The following ARAP1 variants were observed in gnomAD, a reference collection of about 807,000 sequenced individuals.
ARAP1 encodes the protein arf-GAP with Rho-GAP domain, ANK repeat and PH domain-containing protein 1.
Under a neutral mutation model 172.2 loss-of-function variants are expected in ARAP1, and 76 were observed. The observed-to-expected ratio is 0.44, with a 90% CI of 0.37 to 0.53. The LOEUF is 0.53. Ranked by LOEUF, ARAP1 falls within the 20% of genes least tolerant of loss-of-function variation. ARAP1 has a pLI of 0.00. For missense variants in ARAP1, 1,686 were observed against 1,977.5 expected (o/e 0.85, Z 2.80); for synonymous variants, 804 against 803.3 (o/e 1.00, Z -0.01).
At position 72,713,260 on chromosome 11, in the gene ARAP1, T is replaced by C. The variant is rs1565222314; in HGVS notation, c.680-17A>G. 1.9e-6 allele frequency: 3 copies of C among 1,613,414 alleles called. No individual in the cohort carries two copies. Among genetic ancestry groups the C allele is most frequent in the Non-Finnish European group, 2.5e-6 (3 of 1,179,630 alleles). On this transcript the variant is annotated splice_polypyrimidine_tract_variant and intron_variant, in intron 4 of 34. Transcript: ENST00000393609. ...CAGAGTCATCTGGTGAGAGAGGGGT[T>C]GGGGGGCCTCAGGGCAAGGGGCCTG...
intron 27 of ARAP1, among the ~76,000 whole-genome samples, chr11:72,694,443 G>A (rs905270805): frequency 1.3e-5 from 2 of 151,824 alleles, no homozygotes; most frequent in Non-Finnish European, 2.9e-5. Context: ...CCACCACAGG[G>A]CTTTTGCCTT....
At chr11:72,717,844 A>C (rs757804784) in intron 3 of ARAP1, among the ~76,000 whole-genome samples, 10 of 152,198 alleles carry the variant, frequency 6.6e-5, no homozygotes, top group Non-Finnish European at 1.3e-4. Flanking sequence ...TTGGTGCCAC[A>C]GCTGGGATGT....
Position 72,693,515 on chromosome 11 carries a change from C to A in ARAP1, c.3809-45G>T. The A allele has an allele frequency of 6.3e-7, 1 of 1,588,422 alleles. No individual in the cohort carries two copies. The highest frequency in any genetic ancestry group is 8.6e-7 in the Non-Finnish European group (1 of 1,163,934). On this transcript the variant is annotated intron_variant, in intron 28 of 34. Transcript: ENST00000393609. The surrounding 1 kb of genome is among the most constrained non-coding windows in gnomAD (Gnocchi z 4.6). ...TGGGCACAGGCTGCACCAACCCCTA[C>A]CCGGGGCTGGGTCCCAGGATGAAGG...
intron 1 of ARAP1, among the ~76,000 whole-genome samples, chr11:72,749,944 TC>T (rs1416019773): frequency 6.6e-6 from 1 of 152,010 alleles, no homozygotes; most frequent in Non-Finnish European, 1.5e-5. Flanking sequence ...ACAGAACCTG[TC>T]CTGACCCCCA....
At chr11:72,716,433 A>G (rs930405543) in intron 3 of ARAP1, among the ~76,000 whole-genome samples, 1 of 152,250 alleles carries the variant, frequency 6.6e-6, no homozygotes, top group African/African-American at 2.4e-5. Context: ...GAAACCTGCA[A>G]ACGGTGGCGT....
chr11:72,701,267 T>C (rs1261909981), intron 16 of ARAP1, among the ~76,000 whole-genome samples: 1 of 151,976 alleles, frequency 6.6e-6, no homozygotes, highest in Non-Finnish European at 1.5e-5. Context: ...CTGTGCGGGC[T>C]CTTGTGGATT....
chr11:72,704,373 A>G, intron 13 of ARAP1, 39 bp from the exon 14 acceptor site: 1 of 1,511,192 alleles, frequency 6.6e-7, no homozygotes, highest in Non-Finnish European at 8.8e-7. Context: ...GCCAGCTGAC[A>G]GCCAGGGGCC....
At chr11:72,712,416 A>T (rs745477193) in intron 6 of ARAP1, 22 bp downstream of exon 6, 1 of 1,555,216 alleles carries the variant, frequency 6.4e-7, no homozygotes, top group South Asian at 1.2e-5. Flanking sequence ...CTCAGTGGGA[A>T]GGAGGGTGGC....
At chr11:72,737,923 C>T (rs1180277889) in intron 1 of ARAP1, among the ~76,000 whole-genome samples, 1 of 152,214 alleles carries the variant, frequency 6.6e-6, no homozygotes, top group African/African-American at 2.4e-5. Flanking sequence ...CGCACCCAGT[C>T]CCTCATTTGT....
chr11:72,726,703 G>T lies in ARAP1; in HGVS notation c.426C>A (p.Pro142=), dbSNP rs376566451. The T allele has an allele frequency of 4.5e-6, 7 of 1,548,006 alleles. No homozygotes were observed. Among genetic ancestry groups the T allele is most frequent in the Non-Finnish European group, 6.1e-6 (7 of 1,145,260 alleles). Residue 142 remains proline, a synonymous_variant, in exon 3 of 35, where the codon CCC becomes CCA. Transcript: ENST00000393609. The surrounding 1 kb of genome is among the most constrained non-coding windows in gnomAD (Gnocchi z 6.5). The part of the protein sequence containing the change: ...PSTAAPDPVL[P]PLPAKRHLAE... ...CCAAATGCCGCTTAGCAGGCAGCGG[G>T]GGCAGCACAGGGTCTGGGGCAGCTG...
Position 72,726,985 on chromosome 11 carries a change from G to A in ARAP1, c.144C>T (p.Asp48=), listed in dbSNP as rs769770606. 11 of 1,605,252 alleles carry A rather than the reference G, an allele frequency of 6.9e-6. No homozygotes were observed. The highest frequency in any genetic ancestry group is 9.4e-6 in the Non-Finnish European group (11 of 1,176,266). Residue 48 remains aspartate (D), a synonymous_variant, in exon 3 of 35, where the codon GAC becomes GAT. Transcript: ENST00000393609. This position sits in a 1 kb window ranked among gnomAD's most constrained non-coding sequence, Gnocchi z 6.5. ...CQGLSDTRLM[D]MGMLLPGHRR... is the part of the protein sequence containing the mutation. ...GGTGACCAGGGAGTAGCATGCCCAT[G>A]TCCATCAGGCGGGTGTCGCTGAGGC...
rs749937039 is a variant in ARAP1 at position 72,726,754 on chromosome 11, C to A, written c.375G>T (p.Pro125=). 4.3e-6 allele frequency: 5 copies of A among 1,168,040 alleles called. No homozygotes were observed. In the African/African-American group the frequency reaches 5.9e-5, roughly 14 times the overall value. 72.4% of individuals were successfully genotyped at this position (1,168,040 alleles called of 1,614,324 possible). A position where few individuals can be genotyped will look rare whatever the true frequency, so the allele number is the denominator to read the frequency against. Reference sequence around the variant, plus strand: ...TGGATGGGGTGGTGAAGCAGGTGGGCGGAAGGCAGCTCCTCCGGGGCGGGA... The same window carrying A: ...TGGATGGGGTGGTGAAGCAGGTGGGAGGAAGGCAGCTCCTCCGGGGCGGGA... ...PPIPPRRSCL[P]PTCFTTPSTA... is the part of the protein sequence containing the mutation. The change falls in exon 3 of 35, where the codon CCG becomes CCT. Residue 125 remains proline, a synonymous_variant. Coordinates refer to ENST00000393609, the MANE Select transcript of ARAP1 (RefSeq NM_001040118.3). The surrounding 1 kb of genome is among the most constrained non-coding windows in gnomAD (Gnocchi z 6.5).
In ARAP1 at chr11:72,693,810, G is replaced by C; in HGVS notation, c.3695-5C>G. The C allele has an allele frequency of 6.3e-7, 1 of 1,591,230 alleles. No homozygotes were observed. Among genetic ancestry groups the C allele is most frequent in the Admixed American group, 1.8e-5 (1 of 56,858 alleles). ...CCGCAAAGTGCAGGGGGCGCTCTGG[G>C]GAGAGGTCACACCTACCGTCACTGG... On this transcript the variant is annotated splice_region_variant and splice_polypyrimidine_tract_variant and intron_variant, in intron 27 of 34. Transcript: ENST00000393609. The surrounding 1 kb of genome is among the most constrained non-coding windows in gnomAD (Gnocchi z 4.6).
At position 72,714,029 on chromosome 11, in the gene ARAP1, C is replaced by T. The variant is rs1857163773; in HGVS notation, c.679+123G>A. 17 of 1,150,296 alleles carry T rather than the reference C, an allele frequency of 1.5e-5. No individual in the cohort carries two copies. In the South Asian group the frequency reaches 3.2e-4, roughly 21 times the overall value. 71.3% of individuals were successfully genotyped at this position (1,150,296 alleles called of 1,614,324 possible). On this transcript the variant is annotated intron_variant, in intron 4 of 34. Transcript: ENST00000393609. ...GGAGGCTGTGACCTGCCCGGGGCCA[C>T]ACAGTGGGCTGGTGGCAGGCTTGCA...
chr11:72,728,303 C>G (rs1340389016), intron 2 of ARAP1, among the ~76,000 whole-genome samples: 1 of 152,158 alleles, frequency 6.6e-6, no homozygotes, highest in Non-Finnish European at 1.5e-5. Context: ...ATTAATATAA[C>G]AGACTGGCCG....
At chr11:72,727,303 G>A (rs1271490342) in intron 2 of ARAP1, 131 bp from the exon 3 acceptor site, 1 of 811,222 alleles carries the variant, frequency 1.2e-6, no homozygotes, top group African/African-American at 1.7e-5. Context: ...TGTGCTCCAT[G>A]TGCTAAGCAA....
chr11:72,687,320 C>T (rs1565207315), intron 33 of ARAP1, 119 bp downstream of exon 33: 2 of 1,276,916 alleles, frequency 1.6e-6, no homozygotes, highest in Non-Finnish European at 2.3e-6. Flanking sequence ...GAATTAAAAG[C>T]AACTCAAAAT....
chr11:72,687,695 G>C lies in ARAP1; in HGVS notation c.4114C>G (p.Gln1372Glu). The C allele has an allele frequency of 6.2e-7, 1 of 1,614,194 alleles. No homozygotes were observed. Among genetic ancestry groups the C allele is most frequent in the Non-Finnish European group, 8.5e-7 (1 of 1,180,040 alleles). The change falls in exon 32 of 35, where the codon CAG becomes GAG. Residue 1372 changes from glutamine (Q) to glutamate (E), a missense_variant. Coordinates refer to ENST00000393609, the MANE Select transcript of ARAP1 (RefSeq NM_001040118.3). ...VVHETEKHEK[Q>E]QWYLCCDTQM... is the part of the protein sequence containing the mutation. ...GATGAGGCGCTCACTCACCACTGCT[G>C]CTTCTCATGTTTCTCTGTCTCATGC...
chr11:72,739,560 C>T (rs1858140009), intron 1 of ARAP1, among the ~76,000 whole-genome samples: 1 of 152,208 alleles, frequency 6.6e-6, no homozygotes, highest in Admixed American at 6.5e-5. Flanking sequence ...CCTGGCTCCA[C>T]CATTTCTTGT....
Sources: allele counts gnomAD v4.1 joint callset (sites outside exome capture counted in the v4.1 genomes callset), GRCh38; gene constraint gnomAD v4.1.1; non-coding constraint Gnocchi (gnomAD v3.1); transcripts MANE v1.5; gene names NCBI Gene and HGNC (gene_info 2026-07-23, HGNC 2026-07-21).